DMRT1: variants seen among roughly 807,000 people sequenced by gnomAD.
The protein encoded by DMRT1 is doublesex and mab-3 related transcription factor 1, also known as doublesex- and mab-3-related transcription factor 1.
DMRT1 carries 7 observed loss-of-function variants against 32.3 expected under a neutral mutation model. The observed-to-expected ratio is 0.22, with a 90% CI of 0.12 to 0.41. The LOEUF (loss-of-function observed/expected upper bound fraction) is 0.41. Ranked by LOEUF, DMRT1 falls within the 10% of genes least tolerant of loss-of-function variation. DMRT1 has a pLI of 1.00. For missense variants in DMRT1, 625 were observed against 500.5 expected (o/e 1.25, Z -2.37); for synonymous variants, 278 against 206.1 (o/e 1.35, Z -2.99).
At chr9:879,929 A>G (rs1280578905) in intron 2 of DMRT1, among the ~76,000 whole-genome samples, 1 of 152,228 alleles carries the variant, frequency 6.6e-6, no homozygotes, top group Non-Finnish European at 1.5e-5. Flanking sequence ...ATTCATTAAT[A>G]CTACTGCTGA....
intron 2 of DMRT1, among the ~76,000 whole-genome samples, chr9:883,508 G>A (rs551849972): frequency 3.8e-4 from 57 of 151,928 alleles, no homozygotes; most frequent in Middle Eastern, 3.4e-3. Flanking sequence ...CCCAAAAGGA[G>A]AGCCCGGGTG....
chr9:882,098 A>T (rs1816756202), intron 2 of DMRT1, among the ~76,000 whole-genome samples: 1 of 152,212 alleles, frequency 6.6e-6, no homozygotes, highest in Non-Finnish European at 1.5e-5. Context: ...AGGCACAGGC[A>T]GAGGTGTGGA....
intron 3 of DMRT1, among the ~76,000 whole-genome samples, chr9:915,800 T>A (rs570282316): frequency 1.3e-5 from 2 of 151,844 alleles, no homozygotes; most frequent in Non-Finnish European, 2.9e-5. Flanking sequence ...TGGCGCGATC[T>A]CGGCTCAGTA....
intron 2 of DMRT1, among the ~76,000 whole-genome samples, chr9:885,463 G>A (rs1290498478): frequency 6.6e-6 from 1 of 152,148 alleles, no homozygotes; most frequent in Non-Finnish European, 1.5e-5. Context: ...CGAGCGGCCC[G>A]ACTCTTCTCC....
At chr9:849,582 A>C (rs555611561) in intron 2 of DMRT1, among the ~76,000 whole-genome samples, 1 of 152,350 alleles carries the variant, frequency 6.6e-6, no homozygotes, top group Non-Finnish European at 1.5e-5. Flanking sequence ...TGATAGGGAA[A>C]GTTACAAAAG....
At chr9:859,906 AGC>A (rs1815578888) in intron 2 of DMRT1, among the ~76,000 whole-genome samples, 4 of 152,238 alleles carry the variant, frequency 2.6e-5, no homozygotes, top group African/African-American at 9.6e-5. Flanking sequence ...ATTGCCATTC[AGC>A]ATATAGTAAC....
chr9:897,963 A>G (rs937650585), intron 3 of DMRT1, among the ~76,000 whole-genome samples: 2 of 152,228 alleles, frequency 1.3e-5, no homozygotes, highest in Non-Finnish European at 2.9e-5. Context: ...GGTAAAAATG[A>G]TAATGGTGCA....
At chr9:912,253 C>T (rs1205138072) in intron 3 of DMRT1, among the ~76,000 whole-genome samples, 1 of 152,236 alleles carries the variant, frequency 6.6e-6, no homozygotes, top group East Asian at 1.9e-4. Flanking sequence ...CCAATCACCA[C>T]CGCCTACCAC....
Position 847,208 on chromosome 9 carries a change from A to G in DMRT1, c.538+65A>G, listed in dbSNP as rs2273929. 771,781 of 1,541,182 alleles carry G rather than the reference A, an allele frequency of 0.5. 196,135 individuals carry two copies. Among genetic ancestry groups the G allele is most frequent in the Non-Finnish European group, 0.52 (587,252 of 1,124,538 alleles). On this transcript the variant is annotated intron_variant, in intron 2 of 4. Transcript: ENST00000382276. ...TGAGGGAGGCCGAAGGGTTGCAGCC[A>G]CAGAAGCAGGGCTCCCCTGAGCTAC... is the stretch of plus-strand genomic sequence containing the variant.
intron 2 of DMRT1, among the ~76,000 whole-genome samples, chr9:875,011 T>C (rs1810679): frequency 0.77 from 117,178 of 151,292 alleles, 45,639 homozygotes; most frequent in East Asian, 0.87. Context: ...GGGGTTTCAC[T>C]ATGTTAGCCA....
At chr9:859,586 C>T (rs1189904365) in intron 2 of DMRT1, among the ~76,000 whole-genome samples, 3 of 152,124 alleles carry the variant, frequency 2.0e-5, no homozygotes, top group East Asian at 1.9e-4. Context: ...AAATCCAATT[C>T]GGTGTTTTTG....
intron 2 of DMRT1, among the ~76,000 whole-genome samples, chr9:871,651 T>A (rs1057156871): frequency 9.4e-6 from 1 of 106,112 alleles, no homozygotes; most frequent in East Asian, 2.9e-4. Context: ...ACTTTTTGTA[T>A]TTTTAGTAGA....
intron 2 of DMRT1, among the ~76,000 whole-genome samples, chr9:881,841 G>A (rs943248508): frequency 6.6e-6 from 1 of 152,214 alleles, no homozygotes; most frequent in Non-Finnish European, 1.5e-5. Context: ...CCATTGGCCT[G>A]TTTGTGGCAC....
At chr9:967,258 AAAAGT>A (rs1209553172) in intron 4 of DMRT1, among the ~76,000 whole-genome samples, 1 of 152,222 alleles carries the variant, frequency 6.6e-6, no homozygotes, top group African/African-American at 2.4e-5. Flanking sequence ...CTAAGGTTGC[AAAAGT>A]TGCTTAACAC....
At chr9:842,254 A>C (rs761570527) in intron 1 of DMRT1, 62 bp downstream of exon 1, 5 of 1,094,384 alleles carry the variant, frequency 4.6e-6, no homozygotes, top group Non-Finnish European at 4.7e-6. Context: ...TTTTTTTTTT[A>C]GATGGAGTCT....
At chr9:869,102 G>C (rs1447834603) in intron 2 of DMRT1, among the ~76,000 whole-genome samples, 1 of 152,190 alleles carries the variant, frequency 6.6e-6, no homozygotes, top group Non-Finnish European at 1.5e-5. Context: ...CTCTGATATA[G>C]TTTAGGGATG....
chr9:948,119 C>G (rs1226612629), intron 4 of DMRT1, among the ~76,000 whole-genome samples: 1 of 152,176 alleles, frequency 6.6e-6, no homozygotes, highest in Non-Finnish European at 1.5e-5. Flanking sequence ...TGGATTTGCA[C>G]AGAATGTGGG....
chr9:885,193 A>G (rs1403213491), intron 2 of DMRT1, among the ~76,000 whole-genome samples: 1 of 152,162 alleles, frequency 6.6e-6, no homozygotes, highest in African/African-American at 2.4e-5. Flanking sequence ...TTACAGCTGA[A>G]GCCCCAGTGG....
intron 3 of DMRT1, among the ~76,000 whole-genome samples, chr9:907,523 A>G (rs530880240): frequency 5.9e-5 from 9 of 152,180 alleles, no homozygotes; most frequent in Non-Finnish European, 1.3e-4. Context: ...AGGTTTTAGG[A>G]AAAGGAAACA....
Sources: allele counts gnomAD v4.1 joint callset (sites outside exome capture counted in the v4.1 genomes callset), GRCh38; gene constraint gnomAD v4.1.1; transcripts MANE v1.5; gene names NCBI Gene and HGNC (gene_info 2026-07-23, HGNC 2026-07-21).